KCNJ6: variants seen among roughly 807,000 people sequenced by gnomAD.
KCNJ6 encodes potassium inwardly rectifying channel subfamily J member 6, also known as G protein-activated inward rectifier potassium channel 2.
In KCNJ6, 9 loss-of-function variants were observed where a neutral mutation model predicts 34.2. The ratio of observed to expected loss-of-function variants is 0.26; its 90% CI spans 0.16 to 0.46. The LOEUF (loss-of-function observed/expected upper bound fraction) is 0.46. Ranked by LOEUF, KCNJ6 falls within the 20% of genes least tolerant of loss-of-function variation. The pLI, the probability that KCNJ6 is intolerant of heterozygous loss-of-function variation, is 1.00. For missense variants in KCNJ6, 236 were observed against 531.3 expected (o/e 0.44, Z 5.46); for synonymous variants, 196 against 207.1 (o/e 0.95, Z 0.46).
At chr21:37,825,519 C>A (rs2055394711) in intron 2 of KCNJ6, among the ~76,000 whole-genome samples, 1 of 152,182 alleles carries the variant, frequency 6.6e-6, no homozygotes, top group Admixed American at 6.5e-5. Flanking sequence ...CCAACCCCAT[C>A]TGTCATTCCT....
intron 3 of KCNJ6, among the ~76,000 whole-genome samples, chr21:37,693,727 A>G (rs2054650909): frequency 6.6e-6 from 1 of 152,228 alleles, no homozygotes; most frequent in Non-Finnish European, 1.5e-5. Flanking sequence ...ATGGTCTAAT[A>G]GATTAAATGG....
At position 37,733,053 on chromosome 21, in the gene KCNJ6, C is replaced by T. The variant is rs73416168; in HGVS notation, c.26-17922G>A. Among the ~76,000 whole-genome samples the T allele has an allele frequency of 9.3e-3, 1,415 of 152,054 alleles. 15 individuals carry two copies. Among genetic ancestry groups the T allele is most frequent in the African/African-American group, 0.032 (1,338 of 41,520 alleles). ...GCATCATTTTCCCTCTTGACTTCACCTTTAATGCACACTCTATAGACGTCC... is the reference window on the plus strand; with the variant it reads ...GCATCATTTTCCCTCTTGACTTCACTTTTAATGCACACTCTATAGACGTCC... On this transcript the variant is annotated intron_variant, in intron 2 of 3. Transcript: ENST00000609713.
intron 3 of KCNJ6, among the ~76,000 whole-genome samples, chr21:37,626,378 C>T (rs975162591): frequency 6.6e-6 from 1 of 152,158 alleles, no homozygotes; most frequent in Non-Finnish European, 1.5e-5. Context: ...AGGCAATCCG[C>T]CTGCCTCAGC....
chr21:37,702,094 G>A (rs1339913041), intron 3 of KCNJ6, among the ~76,000 whole-genome samples: 1 of 151,910 alleles, frequency 6.6e-6, no homozygotes, highest in Non-Finnish European at 1.5e-5. Flanking sequence ...TTAGCTGGGC[G>A]TGGTGGTGGG....
At position 37,767,460 on chromosome 21, in the gene KCNJ6, T is replaced by C. The variant is rs560231817; in HGVS notation, c.26-52329A>G. 5.9e-5 allele frequency among the ~76,000 whole-genome samples: 9 copies of C among 152,274 alleles called. No individual in the cohort carries two copies. The East Asian group carries it at 1.5e-3, about 26-fold the overall frequency. ...GCAGGAAGCAACCGGAGCAGTTAAG[T>C]GACCTCTTCCAGGGAACCAGGGAAG... On this transcript the variant is annotated intron_variant, in intron 2 of 3. Coordinates refer to ENST00000609713, the MANE Select transcript of KCNJ6 (RefSeq NM_002240.5).
chr21:37,823,136 C>T (rs1381877187), intron 2 of KCNJ6, among the ~76,000 whole-genome samples: 1 of 152,124 alleles, frequency 6.6e-6, no homozygotes, highest in Non-Finnish European at 1.5e-5. Flanking sequence ...AGGCCCCCAG[C>T]CCCAGTCTGC....
intron 1 of KCNJ6, among the ~76,000 whole-genome samples, chr21:37,896,114 G>A (rs76353684): frequency 0.038 from 5,786 of 152,178 alleles, 357 homozygotes; most frequent in African/African-American, 0.13. Context: ...AAGCAGGCAC[G>A]TCACATGACA....
chr21:37,846,353 C>CTGTGTGTGTGTG (rs55697215), intron 1 of KCNJ6, among the ~76,000 whole-genome samples: 45 of 145,058 alleles, frequency 3.1e-4, no homozygotes, highest in Admixed American at 1.4e-3. Context: ...CTGAGACACT[C>CTGTGTGTGTGTG]TGTGTGTGTG....
chr21:37,863,695 A>G (rs2055605807), intron 1 of KCNJ6, among the ~76,000 whole-genome samples: 1 of 152,192 alleles, frequency 6.6e-6, no homozygotes, highest in South Asian at 2.1e-4. Flanking sequence ...AAGAGCTAAT[A>G]GGTTTATAAC....
chr21:37,784,324 T>G (rs1193008445), intron 2 of KCNJ6, among the ~76,000 whole-genome samples: 1 of 152,210 alleles, frequency 6.6e-6, no homozygotes, highest in Non-Finnish European at 1.5e-5. Context: ...CACCCCAGGC[T>G]AAGGCCTGGT....
At chr21:37,676,577 C>T (rs995145534) in intron 3 of KCNJ6, among the ~76,000 whole-genome samples, 13 of 152,230 alleles carry the variant, frequency 8.5e-5, no homozygotes, top group Non-Finnish European at 1.3e-4. Context: ...CAAACTCCAT[C>T]CACTTCTGGC....
At chr21:37,733,094 T>A (rs73904422) in intron 2 of KCNJ6, among the ~76,000 whole-genome samples, 1 of 152,166 alleles carries the variant, frequency 6.6e-6, no homozygotes, top group African/African-American at 2.4e-5. Context: ...TTTAACTTTG[T>A]GCTTGCAGTT....
chr21:37,622,438 A>G lies in KCNJ6; in HGVS notation c.*2721T>C, dbSNP rs1050172916. On this transcript the variant is annotated 3_prime_UTR_variant, in exon 4 of 4. Transcript: ENST00000609713. ...TCAGTCTCAATGAACTTTCAGTTCCAAATTTTAACAGTTGACACAAAATAC... is the reference window on the plus strand; with the variant it reads ...TCAGTCTCAATGAACTTTCAGTTCCGAATTTTAACAGTTGACACAAAATAC... 6.6e-6 allele frequency: 1 copy of G among 152,220 alleles called. No homozygotes were observed. The highest frequency in any genetic ancestry group is 1.5e-5 in the Non-Finnish European group (1 of 68,040). The allele number at this position is 152,220 out of a possible 1,614,324, so 9.4% of individuals were successfully genotyped here.
intron 2 of KCNJ6, among the ~76,000 whole-genome samples, chr21:37,823,119 G>C (rs373068847): frequency 6.6e-6 from 1 of 152,090 alleles, no homozygotes; most frequent in African/African-American, 2.4e-5. Context: ...GGAGAGAGAT[G>C]GCAGGCAGGC....
chr21:37,693,328 G>T (rs2054648588), intron 3 of KCNJ6, among the ~76,000 whole-genome samples: 1 of 152,200 alleles, frequency 6.6e-6, no homozygotes, highest in African/African-American at 2.4e-5. Flanking sequence ...GAGGATGGGA[G>T]TCTTAAATTT....
chr21:37,750,496 T>C (rs1240943564), intron 2 of KCNJ6, among the ~76,000 whole-genome samples: 1 of 152,158 alleles, frequency 6.6e-6, no homozygotes, highest in Admixed American at 6.5e-5. Flanking sequence ...CCATCAATGA[T>C]AGACCGGATA....
chr21:37,667,597 C>T (rs2054521834), intron 3 of KCNJ6, among the ~76,000 whole-genome samples: 1 of 147,532 alleles, frequency 6.8e-6, no homozygotes, highest in Non-Finnish European at 1.5e-5. Flanking sequence ...GTAGCAGGAG[C>T]CAGGGTAGCG....
intron 1 of KCNJ6, among the ~76,000 whole-genome samples, chr21:37,846,181 G>A (rs192806745): frequency 6.6e-6 from 1 of 152,080 alleles, no homozygotes; most frequent in African/African-American, 2.4e-5. Context: ...TGCTTGTGGG[G>A]GTGTGTGTGT....
At chr21:37,890,251 A>G (rs2055755777) in intron 1 of KCNJ6, among the ~76,000 whole-genome samples, 1 of 152,096 alleles carries the variant, frequency 6.6e-6, no homozygotes, top group Non-Finnish European at 1.5e-5. Flanking sequence ...AAAGGGGGAA[A>G]AGCCCCTTAT....
Sources: allele counts gnomAD v4.1 joint callset (sites outside exome capture counted in the v4.1 genomes callset), GRCh38; gene constraint gnomAD v4.1.1; transcripts MANE v1.5; gene names NCBI Gene and HGNC (gene_info 2026-07-23, HGNC 2026-07-21).